The following MAP3K7 variants were observed in gnomAD, a reference collection of about 807,000 sequenced individuals.
MAP3K7 encodes the protein TGF-beta activated kinase 1.
MAP3K7 carries 21 observed loss-of-function variants against 84.8 expected under a neutral mutation model. That is an observed-to-expected ratio of 0.25 (90% CI 0.18 to 0.36). The LOEUF (loss-of-function observed/expected upper bound fraction) is 0.36. Among genes scored for constraint, MAP3K7 ranks in the 10% least tolerant of loss-of-function variants. The pLI is 1.00. For synonymous variants in MAP3K7, 241 were observed against 247.7 expected (o/e 0.97, Z 0.25); for missense variants, 503 against 747.7 (o/e 0.67, Z 3.82).
At chr6:90,557,478 A>G (rs1440041478) in intron 5 of MAP3K7, among the ~76,000 whole-genome samples, 14 of 152,340 alleles carry the variant, frequency 9.2e-5, no homozygotes, top group Non-Finnish European at 5.9e-5. Context: ...ATAAACTACT[A>G]TTCACAGTTC....
intron 12 of MAP3K7, among the ~76,000 whole-genome samples, chr6:90,537,841 A>G (rs1277457686): frequency 6.6e-6 from 1 of 151,980 alleles, no homozygotes; most frequent in Non-Finnish European, 1.5e-5. Flanking sequence ...CAACACATTC[A>G]TTCTAAAATT....
At chr6:90,525,348 T>G (rs1364316621) in intron 13 of MAP3K7, among the ~76,000 whole-genome samples, 3 of 152,168 alleles carry the variant, frequency 2.0e-5, no homozygotes, top group Non-Finnish European at 1.5e-5. Flanking sequence ...CAAAATTTAT[T>G]TTTTAAAAAC....
chr6:90,562,467 C>T (rs1473105883), intron 3 of MAP3K7, among the ~76,000 whole-genome samples: 1 of 152,214 alleles, frequency 6.6e-6, no homozygotes, highest in East Asian at 1.9e-4. Flanking sequence ...CACGGTGCCT[C>T]ACTCACTGCT....
At chr6:90,520,555 A>G (rs1473127369) in intron 14 of MAP3K7, among the ~76,000 whole-genome samples, 1 of 152,046 alleles carries the variant, frequency 6.6e-6, no homozygotes, top group Non-Finnish European at 1.5e-5. Context: ...ATTATTATTC[A>G]TACTAAATGG....
chr6:90,528,387 A>G (rs1393274569), intron 13 of MAP3K7, among the ~76,000 whole-genome samples: 1 of 152,214 alleles, frequency 6.6e-6, no homozygotes, highest in Non-Finnish European at 1.5e-5. Context: ...ACCTTTGAGT[A>G]GAATCCATCG....
chr6:90,518,438 A>T lies in MAP3K7; in HGVS notation c.1640+9T>A, dbSNP rs774991856. 4.4e-6 allele frequency: 6 copies of T among 1,357,712 alleles called. No homozygotes were observed. The highest frequency in any genetic ancestry group is 1.8e-5 in the Admixed American group (1 of 55,596). 84.1% of individuals were successfully genotyped at this position (1,357,712 alleles called of 1,614,324 possible). A position where few individuals can be genotyped will look rare whatever the true frequency, so the allele number is the denominator to read the frequency against. On this transcript the variant is annotated intron_variant, in intron 16 of 16. Coordinates refer to ENST00000369329, the MANE Select transcript of MAP3K7 (RefSeq NM_145331.3). ...GTATTTTTATTTTTATTCATAAAAA[A>T]TAACTTACTTTCTCTGTAATAACAA...
intron 13 of MAP3K7, among the ~76,000 whole-genome samples, chr6:90,525,671 G>A (rs932974445): frequency 2.0e-5 from 3 of 151,944 alleles, no homozygotes; most frequent in Non-Finnish European, 2.9e-5. Context: ...GGGCTCAAGC[G>A]ATCCTTCCAT....
At chr6:90,572,364 T>C (rs757564252) in intron 1 of MAP3K7, among the ~76,000 whole-genome samples, 6 of 152,028 alleles carry the variant, frequency 3.9e-5, no homozygotes, top group Admixed American at 6.5e-5. Flanking sequence ...AGAAAAACTA[T>C]TGATATATGT....
chr6:90,575,717 G>C (rs1170013432), intron 1 of MAP3K7, among the ~76,000 whole-genome samples: 1 of 152,140 alleles, frequency 6.6e-6, no homozygotes, highest in Admixed American at 6.5e-5. Context: ...GGGTTTCAGA[G>C]GATTAATGAA....
At chr6:90,546,056 C>T (rs1477687718) in intron 11 of MAP3K7, among the ~76,000 whole-genome samples, 5 of 152,062 alleles carry the variant, frequency 3.3e-5, no homozygotes, top group Non-Finnish European at 7.4e-5. Context: ...AAATAGGAGA[C>T]CAGTTACTTC....
chr6:90,571,509 A>T (rs1776899111), intron 2 of MAP3K7, among the ~76,000 whole-genome samples, 188 bp downstream of exon 2: 1 of 152,074 alleles, frequency 6.6e-6, no homozygotes, highest in Non-Finnish European at 1.5e-5. Flanking sequence ...CTTTTCCCCT[A>T]ATTTTTAATC....
chr6:90,533,976 CT>C (rs1775587147), intron 13 of MAP3K7, among the ~76,000 whole-genome samples: 1 of 152,136 alleles, frequency 6.6e-6, no homozygotes, highest in Non-Finnish European at 1.5e-5. Flanking sequence ...AGAATGCAAT[CT>C]TTTACACCTA....
chr6:90,523,396 T>C (rs1254291204), intron 14 of MAP3K7, among the ~76,000 whole-genome samples: 1 of 151,890 alleles, frequency 6.6e-6, no homozygotes, highest in Non-Finnish European at 1.5e-5. Context: ...GGCTGAAGTA[T>C]CAAGAATTCA....
intron 13 of MAP3K7, among the ~76,000 whole-genome samples, chr6:90,528,562 T>C (rs1200823993): frequency 6.6e-6 from 1 of 152,214 alleles, no homozygotes; most frequent in Non-Finnish European, 1.5e-5. Flanking sequence ...TTCAGGATAA[T>C]AAACAGTGAC....
chr6:90,565,275 C>G (rs1428011228), intron 3 of MAP3K7, among the ~76,000 whole-genome samples: 11 of 151,974 alleles, frequency 7.2e-5, no homozygotes, highest in East Asian at 3.9e-4. Context: ...AATCCAGGAG[C>G]TGGTTTTTTG....
intron 14 of MAP3K7, among the ~76,000 whole-genome samples, chr6:90,520,418 T>C (rs868275210): frequency 3.3e-5 from 5 of 151,904 alleles, no homozygotes; most frequent in Admixed American, 2.6e-4. Context: ...TTAAAGCCAC[T>C]GAGAACGTGC....
At position 90,547,307 on chromosome 6, in the gene MAP3K7, C is replaced by T. The variant is rs776414706; in HGVS notation, c.1161G>A (p.Arg387=). 2.2e-5 allele frequency: 36 copies of T among 1,612,888 alleles called. No homozygotes were observed. The highest frequency in any genetic ancestry group is 1.3e-4 in the Admixed American group (8 of 59,802). ...ESLPPTSEGK[R]MSADMSEIEA... ...CTATTTCAGACATGTCAGCACTCAT[C>T]CTCTTGCCCTCAGAGGTTGGGGGCA... The change falls in exon 11 of 17, where the codon AGG becomes AGA. Residue 387 remains arginine, a synonymous_variant. Coordinates refer to ENST00000369329, the MANE Select transcript of MAP3K7 (RefSeq NM_145331.3).
intron 2 of MAP3K7, among the ~76,000 whole-genome samples, chr6:90,569,927 A>C (rs1284913845): frequency 6.6e-6 from 1 of 152,132 alleles, no homozygotes; most frequent in Non-Finnish European, 1.5e-5. Flanking sequence ...CAGTACACTA[A>C]TGTCTCTAAA....
At chr6:90,551,935 A>G in intron 8 of MAP3K7, 114 bp downstream of exon 8, 2 of 1,168,454 alleles carry the variant, frequency 1.7e-6, no homozygotes, top group East Asian at 2.4e-5. Flanking sequence ...CACTTAGAAA[A>G]CATAGCAATA....
Sources: gnomAD v4.1 joint callset for allele counts (sites outside exome capture counted in the v4.1 genomes callset) on GRCh38, gnomAD v4.1.1 for gene constraint, MANE v1.5 for transcripts, NCBI Gene and HGNC (gene_info 2026-07-23, HGNC 2026-07-21) for gene names.